Variants in UPP2 observed in about 807,000 individuals in gnomAD.
The protein encoded by UPP2 is UPase 2.
A neutral mutation model predicts 26.7 loss-of-function variants in UPP2; 23 were observed. That is an observed-to-expected ratio of 0.86 (90% CI 0.62 to 1.22). The LOEUF (loss-of-function observed/expected upper bound fraction) is 1.22. Ranked by LOEUF, UPP2 falls within the 50% of genes most tolerant of loss-of-function variation. The pLI is 0.00. For missense variants in UPP2, 387 were observed against 396.7 expected (o/e 0.98, Z 0.21); for synonymous variants, 127 against 141.3 (o/e 0.90, Z 0.72).
intron 5 of UPP2, among the ~76,000 whole-genome samples, chr2:158,122,150 C>T (rs1188539819): frequency 6.6e-6 from 1 of 151,904 alleles, no homozygotes; most frequent in Non-Finnish European, 1.5e-5. Context: ...TATGTAGCAG[C>T]ACTTGCTACT....
intron 3 of UPP2, among the ~76,000 whole-genome samples, chr2:158,017,630 A>ATCC (rs1256301053): frequency 6.6e-6 from 1 of 152,212 alleles, no homozygotes; most frequent in Non-Finnish European, 1.5e-5. Flanking sequence ...GAAACTGGGA[A>ATCC]AAGTTCATAC....
intron 3 of UPP2, among the ~76,000 whole-genome samples, chr2:158,093,126 G>A (rs1321231583): frequency 6.6e-6 from 1 of 152,042 alleles, no homozygotes; most frequent in East Asian, 1.9e-4. Flanking sequence ...TCACCACATT[G>A]GCTAGGCTGG....
At chr2:158,072,339 G>T (rs567153287) in intron 3 of UPP2, among the ~76,000 whole-genome samples, 2 of 152,218 alleles carry the variant, frequency 1.3e-5, no homozygotes, top group African/African-American at 2.4e-5. Context: ...AGATTTCTAG[G>T]TTTTTTTACT....
intron 1 of UPP2, 86 bp downstream of exon 1, chr2:158,102,211 A>G: frequency 7.1e-7 from 1 of 1,410,020 alleles, no homozygotes. Flanking sequence ...ATGGGCCTCT[A>G]CAGTTAAGCA....
chr2:158,112,506 G>A (rs1398720050), intron 2 of UPP2, among the ~76,000 whole-genome samples: 1 of 151,760 alleles, frequency 6.6e-6, no homozygotes, highest in Non-Finnish European at 1.5e-5. Flanking sequence ...AATGTTAGAA[G>A]AAAACATAGA....
intron 2 of UPP2, among the ~76,000 whole-genome samples, chr2:158,008,239 A>G (rs1683524494): frequency 6.6e-6 from 1 of 152,218 alleles, no homozygotes. Context: ...GTGTCTCAGG[A>G]ATGCCAGTCT....
At chr2:158,007,841 C>A (rs1337569077) in intron 2 of UPP2, among the ~76,000 whole-genome samples, 3 of 152,126 alleles carry the variant, frequency 2.0e-5, no homozygotes, top group African/African-American at 7.2e-5. Flanking sequence ...ACCTCGTGAT[C>A]CGCCTGCCTT....
chr2:158,099,380 G>A (rs1193552027), upstream of UPP2, among the ~76,000 whole-genome samples: 1 of 152,188 alleles, frequency 6.6e-6, no homozygotes. Context: ...ATCTGATGTG[G>A]CAGGAGGAAA....
At chr2:158,023,229 T>C (rs1162359311) in intron 3 of UPP2, among the ~76,000 whole-genome samples, 3 of 34,158 alleles carry the variant, frequency 8.8e-5, no homozygotes, top group Admixed American at 6.9e-4. Context: ...TTGCTGTCAG[T>C]TGGGGGGGGG....
chr2:158,073,788 A>C (rs1439689716), intron 3 of UPP2, among the ~76,000 whole-genome samples: 1 of 152,212 alleles, frequency 6.6e-6, no homozygotes, highest in African/African-American at 2.4e-5. Context: ...GACAAACAAC[A>C]GCTGAGGGAT....
At chr2:158,051,030 C>G (rs1682147060) in intron 3 of UPP2, among the ~76,000 whole-genome samples, 1 of 151,872 alleles carries the variant, frequency 6.6e-6, no homozygotes, top group Middle Eastern at 3.2e-3. Flanking sequence ...TCAGGTACCC[C>G]AGAAATATAT....
At chr2:158,046,637 T>C (rs1684160483) in intron 3 of UPP2, among the ~76,000 whole-genome samples, 2 of 152,230 alleles carry the variant, frequency 1.3e-5, no homozygotes, top group Non-Finnish European at 2.9e-5. Context: ...CTGGGAAAAA[T>C]GCCTTGTCAA....
At chr2:157,997,671 C>T (rs1340785717) in intron 2 of UPP2, among the ~76,000 whole-genome samples, 1 of 152,162 alleles carries the variant, frequency 6.6e-6, no homozygotes, top group Non-Finnish European at 1.5e-5. Context: ...CGTTGTCTCC[C>T]AGTTGGCACC....
At chr2:158,114,273 C>CT (rs2105221022) in intron 2 of UPP2, among the ~76,000 whole-genome samples, 1 of 152,306 alleles carries the variant, frequency 6.6e-6, no homozygotes, top group African/African-American at 2.4e-5. Context: ...GTGTGAGAGT[C>CT]TGCTACTGCT....
intron 3 of UPP2, among the ~76,000 whole-genome samples, chr2:158,046,677 C>T (rs979169247): frequency 6.6e-6 from 1 of 152,190 alleles, no homozygotes; most frequent in Non-Finnish European, 1.5e-5. Flanking sequence ...CTTGACAACA[C>T]GTTGCTTCCC....
chr2:158,005,017 C>T (rs1683467672), intron 2 of UPP2, among the ~76,000 whole-genome samples: 1 of 152,182 alleles, frequency 6.6e-6, no homozygotes, highest in African/African-American at 2.4e-5. Context: ...GGGTGTGTCA[C>T]TGATATATCC....
chr2:158,135,986 C>G lies in UPP2; in HGVS notation c.*1096C>G, dbSNP rs1209655950. On this transcript the variant is annotated 3_prime_UTR_variant, in exon 7 of 7. Transcript: ENST00000005756. ...AACACAGTACAGATTATTTGGATCCCAGAGCCATTGTCACACATGACCGAA... is the reference window on the plus strand; with the variant it reads ...AACACAGTACAGATTATTTGGATCCGAGAGCCATTGTCACACATGACCGAA... The G allele has an allele frequency of 6.6e-6, 1 of 152,154 alleles. No homozygotes were observed. The highest frequency in any genetic ancestry group is 2.4e-5 in the African/African-American group (1 of 41,414). The allele number at this position is 152,154 out of a possible 1,614,324, so 9.4% of individuals were successfully genotyped here.
intron 3 of UPP2, among the ~76,000 whole-genome samples, chr2:158,054,487 T>C (rs1311618586): frequency 6.6e-6 from 1 of 152,096 alleles, no homozygotes; most frequent in Non-Finnish European, 1.5e-5. Context: ...TCATGGGCTT[T>C]GCATATTGAA....
At chr2:158,022,235 G>A (rs1422068265) in intron 3 of UPP2, among the ~76,000 whole-genome samples, 3 of 151,972 alleles carry the variant, frequency 2.0e-5, no homozygotes, top group Non-Finnish European at 2.9e-5. Context: ...CGAGGCGGGC[G>A]AATCACGACG....
Sources: gnomAD v4.1 joint callset for allele counts (sites outside exome capture counted in the v4.1 genomes callset) on GRCh38, gnomAD v4.1.1 for gene constraint, MANE v1.5 for transcripts, NCBI Gene and HGNC (gene_info 2026-07-23, HGNC 2026-07-21) for gene names.